The following FGL1 variants were observed in gnomAD, a reference collection of about 807,000 sequenced individuals.
The protein encoded by FGL1 is fibrinogen like 1.
In FGL1, 59 loss-of-function variants were observed where a neutral mutation model predicts 43.7. That is an observed-to-expected ratio of 1.35 (90% CI 1.10 to 1.68). The LOEUF is 1.68. Ranked by LOEUF, FGL1 falls within the 40% of genes most tolerant of loss-of-function variation. The probability of loss-of-function intolerance (pLI) is 0.00; values close to 1 mark genes in which losing one functional copy is unlikely to be tolerated. For missense variants in FGL1, 596 were observed against 373.0 expected, an observed-to-expected ratio of 1.60 and a Z score of -4.92; for synonymous variants, 192 against 126.5, an observed-to-expected ratio of 1.52 and a Z score of -3.48.
intron 3 of FGL1, among the ~76,000 whole-genome samples, chr8:17,878,178 C>T (rs947982812): frequency 6.6e-6 from 1 of 152,074 alleles, no homozygotes; most frequent in African/African-American, 2.4e-5. Flanking sequence ...TCTTGAAATC[C>T]TGGCCTCAAG....
intron 3 of FGL1, among the ~76,000 whole-genome samples, chr8:17,881,371 G>T (rs1446525145): frequency 6.6e-6 from 1 of 151,602 alleles, no homozygotes; most frequent in South Asian, 2.1e-4. Flanking sequence ...TCCTGACCTT[G>T]TAATCCGCCC....
At chr8:17,882,303 C>A in intron 2 of FGL1, 124 bp from the exon 3 acceptor site, 3 of 915,310 alleles carry the variant, frequency 3.3e-6, no homozygotes, top group Non-Finnish European at 4.7e-6. Flanking sequence ...AATATTATTC[C>A]AAAGAGAAAG....
intron 1 of FGL1, among the ~76,000 whole-genome samples, chr8:17,894,338 A>G (rs942347992): frequency 2.0e-5 from 3 of 147,234 alleles, no homozygotes; most frequent in Admixed American, 6.7e-5. Context: ...AACCTAAGTC[A>G]GTGAGTTAAA....
chr8:17,883,388 T>A, intron 2 of FGL1, among the ~76,000 whole-genome samples: 1 of 98,548 alleles, frequency 1.0e-5, no homozygotes. Flanking sequence ...ATATACAATA[T>A]AATAATAATA....
chr8:17,869,602 A>G (rs1190873383), intron 5 of FGL1, among the ~76,000 whole-genome samples: 1 of 152,238 alleles, frequency 6.6e-6, no homozygotes, highest in Non-Finnish European at 1.5e-5. Context: ...ATACTGGCTC[A>G]TAAGATCAAG....
At chr8:17,869,617 T>G (rs559754600) in intron 5 of FGL1, among the ~76,000 whole-genome samples, 10 of 152,326 alleles carry the variant, frequency 6.6e-5, no homozygotes, top group African/African-American at 2.4e-4. Context: ...ATCAAGAGAC[T>G]CTTAGCATCA....
intron 7 of FGL1, among the ~76,000 whole-genome samples, chr8:17,865,345 T>C (rs1466819126): frequency 6.6e-6 from 1 of 152,216 alleles, no homozygotes; most frequent in Non-Finnish European, 1.5e-5. Context: ...GGTGCTCTAC[T>C]ACTGGCTTTC....
At chr8:17,886,356 A>G (rs1180084557) in intron 1 of FGL1, among the ~76,000 whole-genome samples, 2 of 152,206 alleles carry the variant, frequency 1.3e-5, no homozygotes, top group African/African-American at 4.8e-5. Flanking sequence ...CACAAAGCCC[A>G]CTAGAAAATG....
Position 17,895,385 on chromosome 8 carries a change from C to T in FGL1, c.-18+62G>A, listed in dbSNP as rs998257770. On this transcript the variant is annotated intron_variant, in intron 1 of 7. Coordinates refer to ENST00000427924, the MANE Select transcript of FGL1 (RefSeq NM_004467.4). ...ACCTGAGTTTTGGTTACTATCATAC[C>T]TGTGAAATAAATTAGCATTATTACA... The T allele has an allele frequency of 4.7e-6, 6 of 1,273,192 alleles. No individual in the cohort carries two copies. The East Asian group carries it at 1.7e-4, about 36-fold the overall frequency. The allele number at this position is 1,273,192 out of a possible 1,614,324, so 78.9% of individuals were successfully genotyped here. A position where few individuals can be genotyped will look rare whatever the true frequency, so the allele number is the denominator to read the frequency against.
At chr8:17,875,039 G>A (rs577709005) in intron 3 of FGL1, among the ~76,000 whole-genome samples, 1 of 152,310 alleles carries the variant, frequency 6.6e-6, no homozygotes, top group East Asian at 1.9e-4. Flanking sequence ...AGACGGAATA[G>A]TAAAATTTAT....
intron 7 of FGL1, among the ~76,000 whole-genome samples, chr8:17,867,265 T>C (rs1482900106): frequency 2.6e-5 from 4 of 151,980 alleles, no homozygotes; most frequent in Admixed American, 6.6e-5. Flanking sequence ...AACGAGCAGA[T>C]AAAGAAAATA....
At chr8:17,892,357 A>C (rs750961769) in intron 1 of FGL1, among the ~76,000 whole-genome samples, 1 of 152,200 alleles carries the variant, frequency 6.6e-6, no homozygotes, top group Non-Finnish European at 1.5e-5. Flanking sequence ...TATTTAAAAA[A>C]TATAAAGAGA....
At chr8:17,879,787 C>G (rs2053507919) in intron 3 of FGL1, among the ~76,000 whole-genome samples, 1 of 152,100 alleles carries the variant, frequency 6.6e-6, no homozygotes, top group Non-Finnish European at 1.5e-5. Context: ...TGAGAACGGA[C>G]TAATACAGCA....
chr8:17,882,215 C>A (rs1446678152), intron 2 of FGL1, 36 bp from the exon 3 acceptor site: 2 of 1,521,290 alleles, frequency 1.3e-6, no homozygotes, highest in South Asian at 2.5e-5. Flanking sequence ...GTATGCACCT[C>A]ATTTTCATGG....
In FGL1 at chr8:17,882,079, A is replaced by G; in HGVS notation, c.164T>C (p.Leu55Ser). ...KQQQVKIKQLLQENEVQFLDK... is the reference protein window; with the variant it reads ...KQQQVKIKQLSQENEVQFLDK... ...AAGGAACTGGACTTCATTCTCCTGC[A>G]AAAGCTGCTTGATCTTGACCTGTTG... The change falls in exon 3 of 8, where the codon TTG becomes TCG. Residue 55 changes from leucine (L) to serine (S), a missense_variant. Physicochemically the swap from Leu to Ser is moderately radical, Grantham distance 145. Coordinates refer to ENST00000427924, the MANE Select transcript of FGL1 (RefSeq NM_004467.4). 2 of 1,614,078 alleles carry G rather than the reference A, an allele frequency of 1.2e-6. No homozygotes were observed. Among genetic ancestry groups the G allele is most frequent in the Non-Finnish European group, 1.7e-6 (2 of 1,180,002 alleles).
chr8:17,874,407 C>A lies in FGL1; in HGVS notation c.359G>T (p.Trp120Leu), dbSNP rs2053412456. ...ATCAGATCGTCTCTGAATTACAGTC[C>A]ATCCTCCTCCATCGGACATGTCACA... ...VYCDMSDGGG[W>L]TVIQRRSDGS... Residue 120 changes from tryptophan (W) to leucine (L), a missense_variant, in exon 4 of 8, where the codon TGG (tryptophan) becomes TTG (leucine). Physicochemically the swap from Trp to Leu is moderately conservative, Grantham distance 61. Transcript: ENST00000427924. 1 of 1,613,902 alleles carries A rather than the reference C, an allele frequency of 6.2e-7. No individual in the cohort carries two copies. Among genetic ancestry groups the A allele is most frequent in the Non-Finnish European group, 8.5e-7 (1 of 1,179,986 alleles).
rs139506859 is a variant in FGL1 at position 17,870,419 on chromosome 8, C to G, written c.503-1415G>C. On this transcript the variant is annotated intron_variant, in intron 5 of 7. Coordinates refer to ENST00000427924, the MANE Select transcript of FGL1 (RefSeq NM_004467.4). ...AATTATTAGATCACATGTGTTCTAT[C>G]CTCCTACTTTGATAAATAAGATATA... Among the ~76,000 whole-genome samples, 24 of 152,272 alleles carry G rather than the reference C, an allele frequency of 1.6e-4. 1 individual carries two copies. The highest frequency in any genetic ancestry group is 3.4e-3 in the Middle Eastern group (1 of 294).
chr8:17,877,252 A>T (rs536679267), intron 3 of FGL1, among the ~76,000 whole-genome samples: 1 of 152,300 alleles, frequency 6.6e-6, no homozygotes, highest in African/African-American at 2.4e-5. Context: ...AAAAAGAAAA[A>T]GAATTTTGAA....
At chr8:17,886,912 A>C (rs1585148911) in intron 1 of FGL1, among the ~76,000 whole-genome samples, 1 of 152,288 alleles carries the variant, frequency 6.6e-6, no homozygotes, top group South Asian at 2.1e-4. Flanking sequence ...GATTGGAGGC[A>C]CTGCTAGCTT....
Sources: gnomAD v4.1 joint callset for allele counts (sites outside exome capture counted in the v4.1 genomes callset) on GRCh38, gnomAD v4.1.1 for gene constraint, MANE v1.5 for transcripts, NCBI Gene and HGNC (gene_info 2026-07-23, HGNC 2026-07-21) for gene names.